TUBD1: variants seen among roughly 807,000 people sequenced by gnomAD.
The protein encoded by TUBD1 is tubulin delta chain.
Under a neutral mutation model 51.2 loss-of-function variants are expected in TUBD1, and 38 were observed. That is an observed-to-expected ratio of 0.74 (90% CI 0.57 to 0.97). TUBD1 has a LOEUF of 0.97. Ranked by LOEUF, TUBD1 falls within the 50% of genes least tolerant of loss-of-function variation. The pLI is 0.00. For missense variants in TUBD1, 489 were observed against 538.4 expected (o/e 0.91, Z 0.91); for synonymous variants, 169 against 178.2 (o/e 0.95, Z 0.41).
intron 8 of TUBD1, among the ~76,000 whole-genome samples, chr17:59,863,273 T>C (rs2039543306): frequency 6.6e-6 from 1 of 152,170 alleles, no homozygotes. Context: ...CTATGCTTCC[T>C]GCAGATCGGA....
intron 6 of TUBD1, among the ~76,000 whole-genome samples, chr17:59,867,801 G>A (rs2039776614): frequency 6.6e-6 from 1 of 151,986 alleles, no homozygotes; most frequent in South Asian, 2.1e-4. Context: ...CATGTGGGAG[G>A]ACATGACTTA....
intron 8 of TUBD1, among the ~76,000 whole-genome samples, chr17:59,861,907 T>C (rs947680468): frequency 2.6e-5 from 4 of 151,170 alleles, no homozygotes; most frequent in Admixed American, 6.6e-5. Flanking sequence ...ATCTTGTGAT[T>C]CGCCCACCTT....
intron 4 of TUBD1, 53 bp from the exon 5 acceptor site, chr17:59,878,387 A>T: frequency 3.0e-6 from 4 of 1,342,824 alleles, no homozygotes; most frequent in Non-Finnish European, 4.2e-6. Context: ...AATGGTTAAG[A>T]TTACAGATTC....
rs776208579 is a variant in TUBD1 at position 59,878,107 on chromosome 17, T to G, written c.765A>C (p.Pro255=). ...AACGTATAGAGGGACAAATACCTAG[T>G]GGATTTCGTCTGTAGTGAAATGAGC... ...AESSFHYRRN[P]LGDLMEHLVP... is the part of the protein sequence containing the mutation. Residue 255 remains proline, a synonymous_variant, in exon 5 of 9, where the codon CCA becomes CCC. Coordinates refer to ENST00000325752, the MANE Select transcript of TUBD1 (RefSeq NM_016261.4). 6.2e-7 allele frequency: 1 copy of G among 1,612,892 alleles called. No individual in the cohort carries two copies. The highest frequency in any genetic ancestry group is 1.6e-4 in the Middle Eastern group (1 of 6,062).
intron 6 of TUBD1, among the ~76,000 whole-genome samples, chr17:59,870,320 C>T (rs1232795069): frequency 7.8e-6 from 1 of 127,974 alleles, no homozygotes; most frequent in Non-Finnish European, 1.6e-5. Flanking sequence ...TTGCAGTGAG[C>T]CAAGATGATG....
At position 59,870,372 on chromosome 17, in the gene TUBD1, C is replaced by CA. The variant is rs530315478; in HGVS notation, c.935-3624dup. On this transcript the variant is annotated intron_variant, in intron 6 of 8. Transcript: ENST00000325752. ...GGCGACAGAGTGTGACTCCATCTCA[C>CA]AAAAAAAAAAAAAAAAAAAAAAAAA... 4.3e-3 allele frequency among the ~76,000 whole-genome samples: 336 copies of CA among 77,910 alleles called. 30 individuals carry two copies. The highest frequency in any genetic ancestry group is 8.6e-3 in the Admixed American group (56 of 6,490). The allele number at this position is 77,910 out of a possible 152,430, so 51.1% of individuals were successfully genotyped here.
At chr17:59,885,317 T>A in intron 3 of TUBD1, 1 of 633,476 alleles carries the variant, frequency 1.6e-6, no homozygotes, top group South Asian at 1.6e-5. Context: ...GGTGAACCGA[T>A]GCACTGGCAG....
At chr17:59,862,504 T>C (rs1198284088) in intron 8 of TUBD1, among the ~76,000 whole-genome samples, 1 of 151,890 alleles carries the variant, frequency 6.6e-6, no homozygotes, top group Admixed American at 6.6e-5. Context: ...AACATAAGGA[T>C]CTTCCACTCT....
Position 59,890,853 on chromosome 17 carries a change from GA to G in TUBD1, c.149del (p.Phe50SerfsTer70). The G allele has an allele frequency of 6.2e-7, 1 of 1,613,338 alleles. No homozygotes were observed. Among genetic ancestry groups the G allele is most frequent in the Non-Finnish European group, 8.5e-7 (1 of 1,179,656 alleles). ...TACCTCCATTCTCCTCCTCACTGAA[GA>G]ATCTTTCTTTGCAAGATGCTTGATA... The part of the protein sequence containing the change: ...EAYQASCKER[F>X]FSEEENGVPI... On this transcript the variant is annotated frameshift_variant, in exon 2 of 9. Coordinates refer to ENST00000325752, the MANE Select transcript of TUBD1 (RefSeq NM_016261.4). LOFTEE classifies it high-confidence loss of function.
intron 1 of TUBD1, 103 bp downstream of exon 1, chr17:59,892,594 G>A (rs1210375776): frequency 6.5e-6 from 1 of 152,796 alleles, no homozygotes; most frequent in African/African-American, 2.4e-5. Flanking sequence ...GGCTCTGAAA[G>A]GTTATTGACT....
At chr17:59,870,699 A>G (rs1002727181) in intron 6 of TUBD1, among the ~76,000 whole-genome samples, 2 of 152,186 alleles carry the variant, frequency 1.3e-5, no homozygotes, top group Admixed American at 1.3e-4. Context: ...TGCCTTCAGG[A>G]AAGAGATGGA....
chr17:59,883,508 T>C (rs1011932555), intron 3 of TUBD1, among the ~76,000 whole-genome samples: 2 of 152,158 alleles, frequency 1.3e-5, no homozygotes, highest in East Asian at 1.9e-4. Flanking sequence ...CCTCAGATGA[T>C]CTGCCCACCT....
At chr17:59,889,756 G>C (rs2040910018) in intron 2 of TUBD1, among the ~76,000 whole-genome samples, 1 of 151,486 alleles carries the variant, frequency 6.6e-6, no homozygotes, top group South Asian at 2.1e-4. Context: ...GATCACTTGA[G>C]ATCAGGCATT....
rs1172036833 is a variant in TUBD1 at position 59,866,686 on chromosome 17, T to G, written c.998A>C (p.Asn333Thr). ...GLPPLSKMSLNKDLHFNTSIA... is the reference protein window; with the variant it reads ...GLPPLSKMSLTKDLHFNTSIA... The stretch of plus-strand genomic sequence containing the variant: ...GGAAGTGTTAAAATGCAGGTCCTTG[T>G]TGAGAGACATTTTACTAAGAGGAGG... The change falls in exon 7 of 9, where the codon AAC (asparagine) becomes ACC (threonine). Residue 333 changes from asparagine to threonine, a missense_variant. Physicochemically the swap from Asn to Thr is moderately conservative, Grantham distance 65. Transcript: ENST00000325752. 2.5e-6 allele frequency: 4 copies of G among 1,614,050 alleles called. No individual in the cohort carries two copies. The highest frequency in any genetic ancestry group is 3.4e-6 in the Non-Finnish European group (4 of 1,180,032).
At chr17:59,876,857 C>T (rs1290229400) in intron 5 of TUBD1, among the ~76,000 whole-genome samples, 1 of 139,908 alleles carries the variant, frequency 7.1e-6, no homozygotes, top group African/African-American at 3.3e-5. Flanking sequence ...GCTACTCTTA[C>T]CTTAACCATT....
chr17:59,865,676 T>G (rs1210017804), intron 7 of TUBD1, among the ~76,000 whole-genome samples: 1 of 152,234 alleles, frequency 6.6e-6, no homozygotes, highest in Non-Finnish European at 1.5e-5. Flanking sequence ...CAATTCCTGC[T>G]CCTTAGCAAT....
At chr17:59,885,010 T>C in intron 3 of TUBD1, 2 of 283,662 alleles carry the variant, frequency 7.1e-6, no homozygotes, top group South Asian at 3.5e-5. Flanking sequence ...AATGTGAAGG[T>C]GAAGATGGCA....
At position 59,878,310 on chromosome 17, in the gene TUBD1, T is replaced by C; in HGVS notation, c.562A>G (p.Ile188Val). The change falls in exon 5 of 9, where the codon ATT becomes GTT. Residue 188 changes from isoleucine to valine, a missense_variant. By Grantham distance (29) the Ile-to-Val change is conservative (BLOSUM62 3). Transcript: ENST00000325752. Reference protein sequence around the residue: ...GEVIVQNYNSILTLSHLYRSS... With the variant: ...GEVIVQNYNSVLTLSHLYRSS... ...CGGTACAAGTGAGAAAGTGTCAAAATGGAGTTGTAGTTTTGAACAATAACC... is the reference window on the plus strand; with the variant it reads ...CGGTACAAGTGAGAAAGTGTCAAAACGGAGTTGTAGTTTTGAACAATAACC... The C allele has an allele frequency of 6.2e-7, 1 of 1,613,606 alleles. No homozygotes were observed. Among genetic ancestry groups the C allele is most frequent in the South Asian group, 1.1e-5 (1 of 91,068 alleles).
At chr17:59,878,068 G>C in intron 5 of TUBD1, 35 bp downstream of exon 5, 1 of 1,536,706 alleles carries the variant, frequency 6.5e-7, no homozygotes. Context: ...AGAACATAAG[G>C]CTTTCCTATA....
Sources: allele counts gnomAD v4.1 joint callset (sites outside exome capture counted in the v4.1 genomes callset), GRCh38; gene constraint gnomAD v4.1.1; transcripts MANE v1.5; gene names NCBI Gene and HGNC (gene_info 2026-07-23, HGNC 2026-07-21).